The following ZNF789 variants were observed in gnomAD, a reference collection of about 807,000 sequenced individuals.
ZNF789 encodes the protein zinc finger protein 789.
In ZNF789, 11 loss-of-function variants were observed where a neutral mutation model predicts 15.6. The ratio of observed to expected loss-of-function variants is 0.70; its 90% CI spans 0.44 to 1.16. The LOEUF is 1.16. Ranked by LOEUF, ZNF789 falls within the 50% of genes most tolerant of loss-of-function variation. ZNF789 has a pLI of 0.00. For missense variants in ZNF789, 461 were observed against 512.6 expected, an observed-to-expected ratio of 0.90 and a Z score of 0.97; for synonymous variants, 159 against 176.0, an observed-to-expected ratio of 0.90 and a Z score of 0.76.
chr7:99,481,264 C>T lies in ZNF789; in HGVS notation c.151+1477C>T, dbSNP rs545055823. The T allele has an allele frequency of 5.3e-5, 8 of 152,244 alleles. No homozygotes were observed. The South Asian group carries it at 1.7e-3, about 32-fold the overall frequency. The allele number at this position is 152,244 out of a possible 1,614,324, so 9.4% of individuals were successfully genotyped here. A position where few individuals can be genotyped will look rare whatever the true frequency, so the allele number is the denominator to read the frequency against. Reference sequence around the variant, plus strand: ...TTGCCTTTGTTTGTTCGTTGGTTTGCTTGTGTATTTATAATGTTTGAATAG... The same window carrying T: ...TTGCCTTTGTTTGTTCGTTGGTTTGTTTGTGTATTTATAATGTTTGAATAG... On this transcript the variant is annotated intron_variant, in intron 3 of 4. Coordinates refer to ENST00000331410, the MANE Select transcript of ZNF789 (RefSeq NM_213603.3).
In ZNF789 at chr7:99,485,601, A is replaced by G. The variant is rs186606815; in HGVS notation, c.266-875A>G. On this transcript the variant is annotated intron_variant, in intron 4 of 4. Coordinates refer to ENST00000331410, the MANE Select transcript of ZNF789 (RefSeq NM_213603.3). Reference sequence around the variant, plus strand: ...AATCCCAACACTTTTGGAGGCCGAGATGGGCAGATCGCTTGAGGCCAGGAG... The same window carrying G: ...AATCCCAACACTTTTGGAGGCCGAGGTGGGCAGATCGCTTGAGGCCAGGAG... 5.8e-3 allele frequency among the ~76,000 whole-genome samples: 880 copies of G among 152,118 alleles called. 8 individuals carry two copies. The highest frequency in any genetic ancestry group is 0.019 in the African/African-American group (773 of 41,508).
intron 3 of ZNF789, among the ~76,000 whole-genome samples, chr7:99,483,247 A>AAT (rs1799741791): frequency 6.6e-6 from 1 of 151,914 alleles, no homozygotes; most frequent in African/African-American, 2.4e-5. Context: ...TAAATAAATA[A>AAT]ATAAAAATAA....
rs1799091242 is a variant in ZNF789, at chr7:99,472,922, T to A, written c.-189T>A. ...GGCTCTGAGGCTGCCAGAGTGGTTG[T>A]GTCTGTTCCTCCGGTAAGGGGTGAT... On this transcript the variant is annotated 5_prime_UTR_variant, in exon 1 of 5. Transcript: ENST00000331410. The A allele has an allele frequency of 6.6e-6, 1 of 152,388 alleles. No individual in the cohort carries two copies. Among genetic ancestry groups the A allele is most frequent in the Non-Finnish European group, 1.5e-5 (1 of 68,200 alleles). 9.4% of individuals were successfully genotyped at this position (152,388 alleles called of 1,614,324 possible).
In ZNF789 at chr7:99,484,036, A is replaced by G. The variant is rs1799780140; in HGVS notation, c.158A>G (p.Gln53Arg). 1.2e-6 allele frequency: 2 copies of G among 1,614,042 alleles called. No individual in the cohort carries two copies. Among genetic ancestry groups the G allele is most frequent in the Middle Eastern group, 3.3e-4 (2 of 6,062 alleles). Residue 53 changes from glutamine to arginine, a missense_variant, in exon 4 of 5, where the codon CAG becomes CGG. Physicochemically the swap from Gln to Arg is conservative, Grantham distance 43. Transcript: ENST00000331410. The stretch of plus-strand genomic sequence containing the variant: ...TTTACTTCCCCATGAGTAGGATTTC[A>G]GTTTCCCAAACCTGAGATGATCTGT... ...NYRNMVLLGF[Q>R]FPKPEMICQL...
chr7:99,481,999 G>A, intron 3 of ZNF789: 4 of 618,902 alleles, frequency 6.5e-6, no homozygotes, highest in Non-Finnish European at 1.2e-5. Context: ...GACCAAAAGT[G>A]TTTTGGATTT....
intron 3 of ZNF789, chr7:99,482,122 T>C (rs1030783225): frequency 6.4e-6 from 5 of 779,738 alleles, no homozygotes; most frequent in Non-Finnish European, 1.2e-5. Flanking sequence ...TGTAGCTTCT[T>C]CAAGCTACGC....
At chr7:99,475,891 G>A (rs1298835224) in intron 1 of ZNF789, among the ~76,000 whole-genome samples, 6 of 144,790 alleles carry the variant, frequency 4.1e-5, no homozygotes, top group Non-Finnish European at 5.9e-5. Flanking sequence ...TGCAACCTCC[G>A]CCTCCCAGGT....
intron 2 of ZNF789, 117 bp from the exon 3 acceptor site, chr7:99,479,544 T>G (rs1799508932): frequency 1.6e-6 from 2 of 1,251,840 alleles, no homozygotes; most frequent in African/African-American, 3.1e-5. Flanking sequence ...TCCTTATGAA[T>G]TGGGTGCCCT....
At chr7:99,474,235 A>G (rs557082087) in intron 1 of ZNF789, among the ~76,000 whole-genome samples, 1 of 152,342 alleles carries the variant, frequency 6.6e-6, no homozygotes, top group East Asian at 1.9e-4. Flanking sequence ...TACACATAAA[A>G]TACACAAACA....
At chr7:99,474,543 G>T (rs933317979) in intron 1 of ZNF789, among the ~76,000 whole-genome samples, 1 of 151,734 alleles carries the variant, frequency 6.6e-6, no homozygotes, top group Admixed American at 6.6e-5. Context: ...GCAGTGAGCC[G>T]AGATCGCGCC....
Position 99,486,717 on chromosome 7 carries a change from G to A in ZNF789, c.507G>A (p.Arg169=). The change falls in exon 5 of 5, where the codon AGG becomes AGA. Residue 169 remains arginine (R), a synonymous_variant. Transcript: ENST00000331410. The stretch of plus-strand genomic sequence containing the variant: ...TTCAAGATCAGAATGCGCAAACAAG[G>A]TGGAAGCAGGGCAGATATGATGAGG... ...NLIQDQNAQT[R]WKQGRYDEDG... 6.2e-7 allele frequency: 1 copy of A among 1,614,204 alleles called. No individual in the cohort carries two copies. Among genetic ancestry groups the A allele is most frequent in the East Asian group, 2.2e-5 (1 of 44,888 alleles).
At chr7:99,473,417 A>C (rs370855244) in intron 1 of ZNF789, among the ~76,000 whole-genome samples, 10 of 152,206 alleles carry the variant, frequency 6.6e-5, no homozygotes, top group African/African-American at 2.2e-4. Context: ...ACAGCTGGCA[A>C]ATTGTTCCAA....
intron 3 of ZNF789, chr7:99,479,996 C>A: frequency 1.6e-6 from 1 of 632,532 alleles, no homozygotes; most frequent in Non-Finnish European, 2.5e-6. Flanking sequence ...TTTATTTTTC[C>A]AACTTGGTGT....
At chr7:99,474,017 G>A (rs942023451) in intron 1 of ZNF789, among the ~76,000 whole-genome samples, 1 of 152,202 alleles carries the variant, frequency 6.6e-6, no homozygotes, top group African/African-American at 2.4e-5. Context: ...CTGAACTCAA[G>A]GGAGAAATCA....
At chr7:99,478,558 A>G in intron 2 of ZNF789, 5 of 400,928 alleles carry the variant, frequency 1.2e-5, no homozygotes, top group South Asian at 9.2e-5. Context: ...CCCTGCACAC[A>G]TCCCCTCTGA....
intron 4 of ZNF789, among the ~76,000 whole-genome samples, chr7:99,485,830 T>C (rs1799908737): frequency 6.6e-6 from 1 of 152,120 alleles, no homozygotes; most frequent in African/African-American, 2.4e-5. Context: ...ACAAAAAGCA[T>C]GTATCTTGAA....
At chr7:99,484,239 G>T in intron 4 of ZNF789, 96 bp downstream of exon 4, 1 of 924,412 alleles carries the variant, frequency 1.1e-6, no homozygotes, top group Non-Finnish European at 1.7e-6. Context: ...TGAGCCAGGT[G>T]CTGGGCATAT....
At chr7:99,475,260 G>A (rs545809625) in intron 1 of ZNF789, among the ~76,000 whole-genome samples, 2 of 152,162 alleles carry the variant, frequency 1.3e-5, no homozygotes, top group South Asian at 2.1e-4. Context: ...TGGGCATGGC[G>A]GCGGGTGCCT....
At chr7:99,481,902 C>T in intron 3 of ZNF789, 1 of 435,890 alleles carries the variant, frequency 2.3e-6, no homozygotes, top group Admixed American at 3.9e-5. Flanking sequence ...CCAGAAGTAA[C>T]TCTTGTTATT....
Sources: allele counts gnomAD v4.1 joint callset (sites outside exome capture counted in the v4.1 genomes callset), GRCh38; gene constraint gnomAD v4.1.1; transcripts MANE v1.5; gene names NCBI Gene and HGNC (gene_info 2026-07-23, HGNC 2026-07-21).